PIEZO2: variants seen among roughly 807,000 people sequenced by gnomAD.
PIEZO2 encodes piezo-type mechanosensitive ion channel component 2.
PIEZO2 carries 172 observed loss-of-function variants against 337.3 expected under a neutral mutation model. The observed-to-expected ratio is 0.51, with a 90% confidence interval of 0.45 to 0.58. The LOEUF (loss-of-function observed/expected upper bound fraction) is 0.58. Among genes scored for constraint, PIEZO2 ranks in the 20% least tolerant of loss-of-function variants. The pLI is 0.00. For missense variants in PIEZO2, 3,028 were observed against 3,391.3 expected (o/e 0.89, Z 2.66); for synonymous variants, 1,251 against 1,228.5 (o/e 1.02, Z -0.38).
At chr18:10,999,503 C>A (rs1598806480) in intron 2 of PIEZO2, among the ~76,000 whole-genome samples, 1 of 152,108 alleles carries the variant, frequency 6.6e-6, no homozygotes, top group African/African-American at 2.4e-5. Flanking sequence ...AGTATGACAA[C>A]CATTTGCATT....
In PIEZO2 at chr18:10,704,400, A is replaced by G; in HGVS notation, c.6252T>C (p.Tyr2084=). 2 of 1,537,166 alleles carry G rather than the reference A, an allele frequency of 1.3e-6. No individual in the cohort carries two copies. Among genetic ancestry groups the G allele is most frequent in the Non-Finnish European group, 8.7e-7 (1 of 1,146,892 alleles). The change falls in exon 42 of 56, where the codon TAT becomes TAC. Residue 2084 remains tyrosine (Y), a synonymous_variant. Coordinates refer to ENST00000674853, the MANE Select transcript of PIEZO2 (RefSeq NM_001378183.1). The part of the protein sequence containing the change: ...SRRFWMMAIV[Y]TEVAIVVKYF... ...GGTCTGCGTCCAGGCCTACCTCAGT[A>G]TAGACGATGGCCATCATCCAGAACC...
At position 11,080,416 on chromosome 18, in the gene PIEZO2, T is replaced by C. The variant is rs1330411480; in HGVS notation, c.65-14194A>G. On this transcript the variant is annotated intron_variant, in intron 1 of 55. Transcript: ENST00000674853. This position sits in a 1 kb window ranked among gnomAD's most constrained non-coding sequence, Gnocchi z 5.4. ...ACATGCTACTTCCTTGATTAGACTGTAACCCCCTTAAGAGTAGGGCTTTGC... is the reference window on the plus strand; with the variant it reads ...ACATGCTACTTCCTTGATTAGACTGCAACCCCCTTAAGAGTAGGGCTTTGC... 2.0e-5 allele frequency among the ~76,000 whole-genome samples: 3 copies of C among 152,264 alleles called. No homozygotes were observed. In the East Asian group the frequency reaches 5.8e-4, roughly 29 times the overall value.
chr18:10,927,148 G>A lies in PIEZO2; in HGVS notation c.287-15920C>T, dbSNP rs1018635104. On this transcript the variant is annotated intron_variant, in intron 3 of 55. Transcript: ENST00000674853. ...CTTCGCATCCTCTGTTCTCTCCGGA[G>A]ACTGGCAGCCACTTTTCCATGTTAT... Among the ~76,000 whole-genome samples, 12 of 152,330 alleles carry A rather than the reference G, an allele frequency of 7.9e-5. No individual in the cohort carries two copies. In the South Asian group the frequency reaches 1.9e-3, roughly 24 times the overall value.
chr18:10,731,493 G>A lies in PIEZO2; in HGVS notation c.4943C>T (p.Pro1648Leu). The change falls in exon 36 of 56, where the codon CCT becomes CTT. Residue 1648 changes from proline (P) to leucine (L), a missense_variant. Pro to Leu is a moderately conservative substitution (Grantham distance 98, BLOSUM62 -3). Around this residue, in one of 5 missense-constraint regions of PIEZO2, gnomAD observed 1,925 missense variants for 2,051.9 expected, o/e 0.94. Coordinates refer to ENST00000674853, the MANE Select transcript of PIEZO2 (RefSeq NM_001378183.1). ...GTGTCTTTGTCGGAGTGCTGTTTTA[G>A]GATCAGTAATCCAGGCTTGATAAAC... ...KFVYQAWITDPKTALRQRHKE... is the reference protein window; with the variant it reads ...KFVYQAWITDLKTALRQRHKE... 1 of 1,532,822 alleles carries A rather than the reference G, an allele frequency of 6.5e-7. No homozygotes were observed. Among genetic ancestry groups the A allele is most frequent in the South Asian group, 1.2e-5 (1 of 83,522 alleles). 95.0% of individuals were successfully genotyped at this position (1,532,822 alleles called of 1,614,324 possible). A position where few individuals can be genotyped will look rare whatever the true frequency, so the allele number is the denominator to read the frequency against.
At chr18:11,065,033 T>C (rs2038104414) in intron 2 of PIEZO2, among the ~76,000 whole-genome samples, 1 of 152,172 alleles carries the variant, frequency 6.6e-6, no homozygotes, top group Non-Finnish European at 1.5e-5. Flanking sequence ...TTATATGCAT[T>C]GTGTATTAAG....
intron 2 of PIEZO2, 131 bp downstream of exon 2, chr18:11,065,996 C>A (rs1182767276): frequency 3.0e-6 from 2 of 670,740 alleles, no homozygotes; most frequent in African/African-American, 1.8e-5. Context: ...TGTTTGACAC[C>A]CACTCCATGC....
chr18:10,756,978 T>C (rs1412502122), intron 27 of PIEZO2, among the ~76,000 whole-genome samples: 1 of 145,722 alleles, frequency 6.9e-6, no homozygotes, highest in East Asian at 2.1e-4. Flanking sequence ...AGATGAGCTA[T>C]GGAGATGAGA....
At chr18:11,005,666 TG>T (rs2035694238) in intron 2 of PIEZO2, among the ~76,000 whole-genome samples, 1 of 152,254 alleles carries the variant, frequency 6.6e-6, no homozygotes, top group African/African-American at 2.4e-5. Flanking sequence ...CCAGCTTAGC[TG>T]GCCGGGAGGA....
intron 7 of PIEZO2, among the ~76,000 whole-genome samples, chr18:10,843,923 A>C (rs1290061010): frequency 1.3e-5 from 2 of 152,224 alleles, no homozygotes; most frequent in Non-Finnish European, 2.9e-5. Context: ...TATGTGACAA[A>C]GTGCAAAGGC....
intron 1 of PIEZO2, among the ~76,000 whole-genome samples, chr18:11,088,094 T>C (rs1005016257): frequency 6.6e-6 from 1 of 152,246 alleles, no homozygotes; most frequent in African/African-American, 2.4e-5. Flanking sequence ...CCTCAATGTA[T>C]ACTTGGGACA....
In PIEZO2 at chr18:10,872,525, A is replaced by G. The variant is rs528681014; in HGVS notation, c.330-1110T>C. Among the ~76,000 whole-genome samples, 6 of 152,292 alleles carry G rather than the reference A, an allele frequency of 3.9e-5. No individual in the cohort carries two copies. In the South Asian group the frequency reaches 1.2e-3, roughly 32 times the overall value. ...GTTCTGGCTAAGCTCACTCTGCTGCAAGACACCAGAGCTTAATAGGCACTG... is the reference window on the plus strand; with the variant it reads ...GTTCTGGCTAAGCTCACTCTGCTGCGAGACACCAGAGCTTAATAGGCACTG... On this transcript the variant is annotated intron_variant, in intron 4 of 55. Transcript: ENST00000674853. This position sits in a 1 kb window ranked among gnomAD's most constrained non-coding sequence, Gnocchi z 4.3.
intron 54 of PIEZO2, among the ~76,000 whole-genome samples, chr18:10,674,306 T>A (rs372321651): frequency 3.3e-5 from 5 of 152,366 alleles, no homozygotes; most frequent in East Asian, 1.9e-4. Context: ...TTACTGATTG[T>A]TGAGCAATCT....
intron 36 of PIEZO2, among the ~76,000 whole-genome samples, chr18:10,730,543 G>A (rs538478661): frequency 1.5e-5 from 2 of 134,834 alleles, no homozygotes; most frequent in Admixed American, 7.0e-5. Context: ...CTTCAACTTC[G>A]CTTTTGATTT....
chr18:10,860,592 G>A (rs1202370746), intron 5 of PIEZO2, among the ~76,000 whole-genome samples: 1 of 152,126 alleles, frequency 6.6e-6, no homozygotes. Flanking sequence ...CACAACAGGT[G>A]AGCAACACAT....
At chr18:11,024,268 G>A (rs1490108301) in intron 2 of PIEZO2, among the ~76,000 whole-genome samples, 7 of 152,254 alleles carry the variant, frequency 4.6e-5, no homozygotes, top group African/African-American at 9.6e-5. Context: ...CAAGTAGGCC[G>A]GGCGCGGTGG....
At chr18:11,072,346 A>G (rs2038372002) in intron 1 of PIEZO2, among the ~76,000 whole-genome samples, 2 of 152,150 alleles carry the variant, frequency 1.3e-5, no homozygotes, top group Non-Finnish European at 1.5e-5. Flanking sequence ...AATCACCCCA[A>G]TTGACATGGC....
chr18:10,858,005 C>CTT (rs113821994), intron 5 of PIEZO2, among the ~76,000 whole-genome samples: 1,802 of 138,918 alleles, frequency 0.013, 44 homozygotes, highest in African/African-American at 0.045. Context: ...TTCTTTCTTT[C>CTT]TTTTTTTTTT....
At chr18:11,082,484 A>AT (rs1275575273) in intron 1 of PIEZO2, among the ~76,000 whole-genome samples, 1 of 151,776 alleles carries the variant, frequency 6.6e-6, no homozygotes, top group East Asian at 1.9e-4. Flanking sequence ...CGCCCGGCTA[A>AT]TTTTTTGTAT....
chr18:10,725,426 G>A, intron 36 of PIEZO2: 1 of 1,602,088 alleles, frequency 6.2e-7, no homozygotes, highest in Non-Finnish European at 8.5e-7. Flanking sequence ...GAGCCCGCCA[G>A]TACTGGTTGG....
Sources: gnomAD v4.1 joint callset for allele counts (sites outside exome capture counted in the v4.1 genomes callset) on GRCh38, gnomAD v4.1.1 for gene constraint, gnomAD v4.1.1 regional missense constraint, Gnocchi (gnomAD v3.1) non-coding constraint, MANE v1.5 for transcripts, NCBI Gene and HGNC (gene_info 2026-07-23, HGNC 2026-07-21) for gene names.